CHRNA7: variants seen among roughly 807,000 people sequenced by gnomAD.
The protein encoded by CHRNA7 is cholinergic receptor nicotinic alpha 7 subunit.
A neutral mutation model predicts 48.0 loss-of-function variants in CHRNA7; 17 were observed. The observed-to-expected ratio is 0.35, with a 90% CI of 0.24 to 0.53. The LOEUF (loss-of-function observed/expected upper bound fraction) is 0.53. Among genes scored for constraint, CHRNA7 ranks in the 20% least tolerant of loss-of-function variants. The probability of loss-of-function intolerance (pLI) is 0.92; values close to 1 mark genes in which losing one functional copy is unlikely to be tolerated. For missense variants in CHRNA7, 155 were observed against 577.7 expected (o/e 0.27, Z 7.50); for synonymous variants, 75 against 242.3 (o/e 0.31, Z 6.41).
At chr15:32,048,557 T>C (rs1045251758) in intron 2 of CHRNA7, among the ~76,000 whole-genome samples, 2 of 152,162 alleles carry the variant, frequency 1.3e-5, no homozygotes, top group Non-Finnish European at 2.9e-5. Context: ...GATTCTTCTC[T>C]CTTTTTTTCT....
intron 2 of CHRNA7, among the ~76,000 whole-genome samples, chr15:32,097,331 C>T (rs1057105063): frequency 6.6e-6 from 1 of 152,068 alleles, no homozygotes; most frequent in Non-Finnish European, 1.5e-5. Flanking sequence ...TTTTCCCCCA[C>T]TAAATGCATA....
intron 2 of CHRNA7, among the ~76,000 whole-genome samples, chr15:32,072,986 G>A (rs1201460049): frequency 6.6e-6 from 1 of 152,176 alleles, no homozygotes; most frequent in Admixed American, 6.5e-5. Flanking sequence ...GTCCCCACCA[G>A]GTCACTGCCT....
chr15:32,124,120 C>G (rs1046999694), intron 4 of CHRNA7, among the ~76,000 whole-genome samples: 4 of 152,008 alleles, frequency 2.6e-5, no homozygotes, highest in African/African-American at 9.7e-5. Flanking sequence ...TTCAAAAAAT[C>G]AAAATCCAAC....
chr15:32,102,864 AG>A (rs1448487392), intron 3 of CHRNA7: 1 of 152,248 alleles, frequency 6.6e-6, no homozygotes, highest in Non-Finnish European at 1.5e-5. Flanking sequence ...AAAATAATGT[AG>A]TTTTTATCAA....
intron 2 of CHRNA7, among the ~76,000 whole-genome samples, chr15:32,094,476 TAGAAAC>T (rs939785266): frequency 6.6e-5 from 10 of 152,134 alleles, no homozygotes; most frequent in Non-Finnish European, 1.2e-4. Context: ...ACAGTTAAAT[TAGAAAC>T]AGAAAACCAA....
chr15:32,105,649 A>G (rs2141268918), intron 3 of CHRNA7, among the ~76,000 whole-genome samples: 1 of 152,324 alleles, frequency 6.6e-6, no homozygotes. Context: ...GAAATGGGAG[A>G]GAAGGAGAGG....
intron 2 of CHRNA7, among the ~76,000 whole-genome samples, chr15:32,055,177 GAT>G (rs928834964): frequency 5.3e-5 from 8 of 151,536 alleles, no homozygotes; most frequent in Non-Finnish European, 7.4e-5. Flanking sequence ...TTTCCATTTT[GAT>G]ATATTATTTT....
chr15:32,067,127 G>A (rs913706860), intron 2 of CHRNA7, among the ~76,000 whole-genome samples: 1 of 152,206 alleles, frequency 6.6e-6, no homozygotes, highest in African/African-American at 2.4e-5. Flanking sequence ...GCCAAAGGGA[G>A]TAAAAGCTTC....
At chr15:32,079,285 T>TG (rs1219211810) in intron 2 of CHRNA7, among the ~76,000 whole-genome samples, 5 of 152,094 alleles carry the variant, frequency 3.3e-5, no homozygotes, top group African/African-American at 1.2e-4. Context: ...CAACATAGTA[T>TG]TGGAAATTCT....
At chr15:32,114,107 C>T (rs12913852) in intron 4 of CHRNA7, among the ~76,000 whole-genome samples, 18 of 139,744 alleles carry the variant, frequency 1.3e-4, no homozygotes, top group African/African-American at 4.2e-4. Context: ...CACATATACA[C>T]ACACACATAC....
intron 2 of CHRNA7, among the ~76,000 whole-genome samples, chr15:32,042,662 C>T (rs904285588): frequency 3.3e-5 from 5 of 152,162 alleles, no homozygotes; most frequent in African/African-American, 1.2e-4. Context: ...GCTGATTAGT[C>T]TCTGCTCTGG....
intron 4 of CHRNA7, among the ~76,000 whole-genome samples, chr15:32,143,153 T>C (rs2051416781): frequency 6.6e-6 from 1 of 152,222 alleles, no homozygotes; most frequent in South Asian, 2.1e-4. Flanking sequence ...AGAATATCTT[T>C]ATTTCTGCCT....
chr15:32,041,639 A>G (rs955667283), intron 2 of CHRNA7, among the ~76,000 whole-genome samples: 3 of 152,110 alleles, frequency 2.0e-5, no homozygotes, highest in Non-Finnish European at 4.4e-5. Flanking sequence ...CATCACACAT[A>G]TGTTACACCA....
At position 32,079,568 on chromosome 15, in the gene CHRNA7, CCT is replaced by C. The variant is rs538188376; in HGVS notation, c.196-21734_196-21733del. Among the ~76,000 whole-genome samples the C allele has an allele frequency of 1.4e-4, 22 of 152,102 alleles. No individual in the cohort carries two copies. In the East Asian group the frequency reaches 4.3e-3, roughly 29 times the overall value. On this transcript the variant is annotated intron_variant, in intron 2 of 9. Transcript: ENST00000306901. ...CAATTGCTACAAAGCAAATAAAATA[CCT>C]AGGAATACAGCTAACAAGGGAAGTG... is the stretch of plus-strand genomic sequence containing the variant.
At chr15:32,069,728 C>G (rs1256264917) in intron 2 of CHRNA7, among the ~76,000 whole-genome samples, 1 of 152,118 alleles carries the variant, frequency 6.6e-6, no homozygotes, top group African/African-American at 2.4e-5. Context: ...TTAATTATGG[C>G]TCATTTTTTA....
At chr15:32,083,651 C>T (rs774428378) in intron 2 of CHRNA7, among the ~76,000 whole-genome samples, 4 of 152,130 alleles carry the variant, frequency 2.6e-5, no homozygotes, top group Admixed American at 1.3e-4. Flanking sequence ...ACGTCATCTA[C>T]ACATAGCAAT....
chr15:32,038,389 T>C (rs575625098), intron 2 of CHRNA7, among the ~76,000 whole-genome samples: 3 of 140,206 alleles, frequency 2.1e-5, no homozygotes, highest in South Asian at 4.4e-4. Flanking sequence ...TCTATTGATA[T>C]AATCATATGA....
At chr15:32,093,382 C>T (rs2050413637) in intron 2 of CHRNA7, among the ~76,000 whole-genome samples, 1 of 152,170 alleles carries the variant, frequency 6.6e-6, no homozygotes, top group South Asian at 2.1e-4. Context: ...GTGAAAAGTG[C>T]ATGCTTGAAC....
chr15:32,140,125 A>C (rs1333521860), intron 4 of CHRNA7, among the ~76,000 whole-genome samples: 1 of 122,262 alleles, frequency 8.2e-6, no homozygotes, highest in Non-Finnish European at 1.6e-5. Flanking sequence ...CCCTGTGTCC[A>C]TGTGTTCTCA....
Sources: allele counts gnomAD v4.1 joint callset (sites outside exome capture counted in the v4.1 genomes callset), GRCh38; gene constraint gnomAD v4.1.1; transcripts MANE v1.5; gene names NCBI Gene and HGNC (gene_info 2026-07-23, HGNC 2026-07-21).